The following IPP variants were observed in gnomAD, a reference collection of about 807,000 sequenced individuals.
The protein encoded by IPP is intracisternal A particle-promoted polypeptide.
Under a neutral mutation model 64.1 loss-of-function variants are expected in IPP, and 41 were observed. The ratio of observed to expected loss-of-function variants is 0.64; its 90% CI spans 0.50 to 0.83. The LOEUF (loss-of-function observed/expected upper bound fraction) is 0.83. Among genes scored for constraint, IPP ranks in the 40% least tolerant of loss-of-function variants. The pLI is 0.00. For missense variants in IPP, 649 were observed against 703.0 expected, an observed-to-expected ratio of 0.92 and a Z score of 0.87; for synonymous variants, 214 against 235.2, an observed-to-expected ratio of 0.91 and a Z score of 0.83.
At chr1:45,747,250 G>A (rs1300941970) in intron 1 of IPP, among the ~76,000 whole-genome samples, 5 of 152,014 alleles carry the variant, frequency 3.3e-5, no homozygotes, top group Non-Finnish European at 7.4e-5. Flanking sequence ...AGAACAAGGA[G>A]AAATAACAAC....
intron 6 of IPP, 95 bp downstream of exon 6, chr1:45,719,108 C>A: frequency 8.6e-7 from 1 of 1,166,006 alleles, no homozygotes; most frequent in South Asian, 1.4e-5. Context: ...TCTCATGTGC[C>A]CCATAAATAT....
In IPP at chr1:45,724,102, C is replaced by A. The variant is rs1439494699; in HGVS notation, c.1048+3529G>T. ...CCCTGCCTGATTCTCCTGCCTCAGC[C>A]TGCCGAGCGCCTGCAATTGCAGGCG... On this transcript the variant is annotated intron_variant, in intron 5 of 8. Transcript: ENST00000396478. Among the ~76,000 whole-genome samples, 8 of 150,678 alleles carry A rather than the reference C, an allele frequency of 5.3e-5. No individual in the cohort carries two copies. In the East Asian group the frequency reaches 1.6e-3, roughly 31 times the overall value.
At chr1:45,749,882 C>A (rs934912752) in intron 1 of IPP, among the ~76,000 whole-genome samples, 1 of 151,784 alleles carries the variant, frequency 6.6e-6, no homozygotes, top group Non-Finnish European at 1.5e-5. Flanking sequence ...AGCCCCCCGC[C>A]GCAAAAAAAA....
At chr1:45,725,475 G>GC (rs1253391590) in intron 5 of IPP, among the ~76,000 whole-genome samples, 5 of 140,240 alleles carry the variant, frequency 3.6e-5, no homozygotes, top group African/African-American at 1.3e-4. Flanking sequence ...GGGGGTGTCA[G>GC]CCCCCCGCCC....
In IPP at chr1:45,717,433, C is replaced by T. The variant is rs545085630; in HGVS notation, c.1187-416G>A. On this transcript the variant is annotated intron_variant, in intron 6 of 8. Transcript: ENST00000396478. ...CAGCTCCAAACCTAATCAGAGTATA[C>T]CGTGTATTTGGTGTAATTTCAGGAA... Among the ~76,000 whole-genome samples the T allele has an allele frequency of 3.2e-4, 49 of 152,200 alleles. No homozygotes were observed. The South Asian group carries it at 8.5e-3, about 26-fold the overall frequency.
intron 8 of IPP, among the ~76,000 whole-genome samples, chr1:45,712,797 G>T (rs1006618384): frequency 6.7e-6 from 1 of 149,336 alleles, no homozygotes; most frequent in East Asian, 2.0e-4. Flanking sequence ...GGCGGAGCTT[G>T]TAGTGAGCCC....
At chr1:45,736,418 T>C (rs1009265298) in intron 3 of IPP, among the ~76,000 whole-genome samples, 7 of 152,126 alleles carry the variant, frequency 4.6e-5, no homozygotes, top group African/African-American at 1.7e-4. Context: ...AGTACAATAA[T>C]ATATATACTA....
chr1:45,725,499 A>G (rs1273623092), intron 5 of IPP, among the ~76,000 whole-genome samples: 9 of 129,610 alleles, frequency 6.9e-5, no homozygotes, highest in African/African-American at 8.6e-5. Flanking sequence ...CAGCCGCCCC[A>G]TCCGGGAGGT....
chr1:45,726,724 C>CTTT (rs58547972), intron 5 of IPP, among the ~76,000 whole-genome samples: 6 of 135,340 alleles, frequency 4.4e-5, no homozygotes, highest in African/African-American at 1.1e-4. Context: ...TTTGATGCCA[C>CTTT]TTTTTTTTTT....
At chr1:45,723,719 A>G (rs911857920) in intron 5 of IPP, among the ~76,000 whole-genome samples, 3 of 152,184 alleles carry the variant, frequency 2.0e-5, no homozygotes, top group African/African-American at 7.2e-5. Context: ...ATAAAAATCA[A>G]ATAGTTCCTA....
At chr1:45,734,766 T>C (rs955668444) in intron 3 of IPP, among the ~76,000 whole-genome samples, 27 of 151,708 alleles carry the variant, frequency 1.8e-4, no homozygotes, top group African/African-American at 6.5e-4. Context: ...AATACAGACA[T>C]GCACCACCAC....
chr1:45,742,947 A>T lies in IPP; in HGVS notation c.293-1615T>A, dbSNP rs1376431276. Among the ~76,000 whole-genome samples, 83 of 145,628 alleles carry T rather than the reference A, an allele frequency of 5.7e-4. 1 individual carries two copies. Among genetic ancestry groups the T allele is most frequent in the African/African-American group, 2.1e-3 (79 of 36,834 alleles). ...CTTTTTTTTATTTTTTTATTTTTTT[A>T]TTTTTTTCGAGACAGAGTCTCACTA... On this transcript the variant is annotated intron_variant, in intron 2 of 8. Transcript: ENST00000396478.
chr1:45,714,501 A>G (rs779069362), intron 7 of IPP, 35 bp from the exon 8 acceptor site: 3 of 1,163,572 alleles, frequency 2.6e-6, no homozygotes, highest in Non-Finnish European at 3.9e-6. Context: ...GATGCTACAG[A>G]TAGTGAGATA....
intron 2 of IPP, among the ~76,000 whole-genome samples, chr1:45,742,710 G>T (rs958698034): frequency 6.8e-6 from 1 of 146,782 alleles, no homozygotes; most frequent in Admixed American, 6.8e-5. Context: ...ATTTTCTGTG[G>T]TTTTTTTTTT....
At chr1:45,718,969 T>C (rs1569985952) in intron 6 of IPP, among the ~76,000 whole-genome samples, 2 of 150,478 alleles carry the variant, frequency 1.3e-5, no homozygotes, top group South Asian at 4.2e-4. Context: ...CTATAGTCAA[T>C]AATTTAATTG....
intron 8 of IPP, among the ~76,000 whole-genome samples, chr1:45,708,855 A>T (rs1289942721): frequency 1.3e-5 from 2 of 151,346 alleles, no homozygotes; most frequent in Non-Finnish European, 2.9e-5. Flanking sequence ...AACATGGCAA[A>T]ACCCTGTCTC....
chr1:45,740,523 A>G (rs1278159255), intron 3 of IPP, among the ~76,000 whole-genome samples: 12 of 151,664 alleles, frequency 7.9e-5, no homozygotes, highest in African/African-American at 2.7e-4. Flanking sequence ...CCTCCCTCCC[A>G]GACAGGGCGG....
chr1:45,745,355 T>G (rs887862113), intron 2 of IPP, among the ~76,000 whole-genome samples: 3 of 152,172 alleles, frequency 2.0e-5, no homozygotes, highest in African/African-American at 7.2e-5. Context: ...TAAATACATA[T>G]AAGTTTTTTT....
intron 2 of IPP, among the ~76,000 whole-genome samples, chr1:45,743,196 C>T (rs548999054): frequency 3.6e-4 from 54 of 151,974 alleles, no homozygotes; most frequent in African/African-American, 1.3e-3. Context: ...CCTCAGCCTC[C>T]CAAAGTGCTG....
Sources: gnomAD v4.1 joint callset for allele counts (sites outside exome capture counted in the v4.1 genomes callset) on GRCh38, gnomAD v4.1.1 for gene constraint, MANE v1.5 for transcripts, NCBI Gene and HGNC (gene_info 2026-07-23, HGNC 2026-07-21) for gene names.